The following IBTK variants were observed in gnomAD, a reference collection of about 807,000 sequenced individuals.
The protein encoded by IBTK is BTK-binding protein.
Under a neutral mutation model 154.9 loss-of-function variants are expected in IBTK, and 83 were observed. The observed-to-expected ratio is 0.54, with a 90% confidence interval of 0.45 to 0.64. The LOEUF is 0.64. Among genes scored for constraint, IBTK ranks in the 30% least tolerant of loss-of-function variants. The pLI is 0.00. For synonymous variants in IBTK, 515 were observed against 536.1 expected (o/e 0.96, Z 0.54); for missense variants, 1,332 against 1,584.6 (o/e 0.84, Z 2.71).
rs1390942620 is a variant in IBTK at position 82,227,237 on chromosome 6, A to G, written c.609T>C (p.His203=). The part of the protein sequence containing the change: ...SQKGQVYTCG[H]GPGGRLGHGD... Reference sequence around the variant, plus strand: ...CATGTCCTAATCGCCCTCCAGGACCATGACCACAGGTATAAACCTGCCCTT... The same window carrying G: ...CATGTCCTAATCGCCCTCCAGGACCGTGACCACAGGTATAAACCTGCCCTT... Residue 203 remains histidine, a synonymous_variant, in exon 5 of 29, where the codon CAT becomes CAC. Transcript: ENST00000306270. 3.7e-6 allele frequency: 6 copies of G among 1,613,248 alleles called. No individual in the cohort carries two copies. Among genetic ancestry groups the G allele is most frequent in the Non-Finnish European group, 5.1e-6 (6 of 1,179,534 alleles).
chr6:82,172,614 A>G, intron 27 of IBTK, 102 bp from the exon 28 acceptor site: 1 of 1,050,934 alleles, frequency 9.5e-7, no homozygotes, highest in East Asian at 2.7e-5. Context: ...CTTTCCAGTG[A>G]CCTACAATGA....
intron 2 of IBTK, among the ~76,000 whole-genome samples, chr6:82,239,625 G>A: frequency 8.8e-6 from 1 of 113,402 alleles, no homozygotes; most frequent in Non-Finnish European, 1.9e-5. Context: ...AATGAAACTA[G>A]AGTCTTTACC....
intron 23 of IBTK, among the ~76,000 whole-genome samples, chr6:82,192,732 G>T (rs1455155017): frequency 6.7e-6 from 1 of 148,886 alleles, no homozygotes; most frequent in Non-Finnish European, 1.5e-5. Flanking sequence ...GGGCAATGAG[G>T]GCGAAACTCT....
At position 82,191,853 on chromosome 6, in the gene IBTK, A is replaced by G; in HGVS notation, c.3365T>C (p.Leu1122Pro). The change falls in exon 24 of 29, where the codon CTC becomes CCC. Residue 1122 changes from leucine (L) to proline (P), a missense_variant. By Grantham distance (98) the Leu-to-Pro change is moderately conservative. Around this residue, in one of 3 missense-constraint regions of IBTK, gnomAD observed 1,134 missense variants for 1,274.7 expected, o/e 0.89. Transcript: ENST00000306270. ...TTCTTCTATTTCCATGATAGTTCTG[A>G]GATCCACAACAGGAGGGCTGACAGG... ...FSPVSPPVVD[L>P]RTIMEIEESR... The G allele has an allele frequency of 6.2e-7, 1 of 1,611,368 alleles. No individual in the cohort carries two copies. Among genetic ancestry groups the G allele is most frequent in the Non-Finnish European group, 8.5e-7 (1 of 1,177,834 alleles).
intron 8 of IBTK, among the ~76,000 whole-genome samples, chr6:82,221,903 G>C (rs550900451): frequency 7.9e-5 from 12 of 152,028 alleles, no homozygotes; most frequent in Admixed American, 1.3e-4. Context: ...AGTGGCTCAC[G>C]CCTGTAATCC....
At chr6:82,172,126 C>T (rs1383414634) in intron 28 of IBTK, among the ~76,000 whole-genome samples, 1 of 152,024 alleles carries the variant, frequency 6.6e-6, no homozygotes, top group African/African-American at 2.4e-5. Flanking sequence ...TTTAAAAAAA[C>T]TAAAATAATC....
At chr6:82,191,931 C>T (rs1209402802) in intron 23 of IBTK, 52 bp from the exon 24 acceptor site, 2 of 932,586 alleles carry the variant, frequency 2.1e-6, no homozygotes, top group Non-Finnish European at 1.7e-6. Flanking sequence ...CTATAAAGCC[C>T]AACCCCCAAC....
chr6:82,217,915 A>G (rs760442049), intron 10 of IBTK, 45 bp downstream of exon 10: 14 of 1,273,572 alleles, frequency 1.1e-5, no homozygotes, highest in Middle Eastern at 2.0e-4. Flanking sequence ...AAATTAAAGG[A>G]TAATTGAAAG....
chr6:82,194,087 T>C lies in IBTK; in HGVS notation c.3338+392A>G, dbSNP rs1317870730. Reference sequence around the variant, plus strand: ...TATCCTCTGAAAATTAACTGAATAGTTACACATTTTGTGAAATTTTAAATA... The same window carrying C: ...TATCCTCTGAAAATTAACTGAATAGCTACACATTTTGTGAAATTTTAAATA... On this transcript the variant is annotated intron_variant, in intron 23 of 28. Coordinates refer to ENST00000306270, the MANE Select transcript of IBTK (RefSeq NM_015525.4). 3.9e-5 allele frequency among the ~76,000 whole-genome samples: 6 copies of C among 152,192 alleles called. No homozygotes were observed. The East Asian group carries it at 1.2e-3, about 29-fold the overall frequency.
At chr6:82,234,912 G>C (rs1770659004) in intron 2 of IBTK, among the ~76,000 whole-genome samples, 1 of 151,908 alleles carries the variant, frequency 6.6e-6, no homozygotes, top group Admixed American at 6.6e-5. Flanking sequence ...CCAGGCTGGA[G>C]TGCAAAGGCA....
chr6:82,175,970 G>A (rs552129151), intron 26 of IBTK, among the ~76,000 whole-genome samples: 3 of 151,396 alleles, frequency 2.0e-5, no homozygotes, highest in Non-Finnish European at 4.4e-5. Context: ...CAGAGGTTGC[G>A]GTGAGCTGAG....
In IBTK at chr6:82,218,152, A is replaced by G. The variant is rs770435269; in HGVS notation, c.1249-15T>C. On this transcript the variant is annotated splice_polypyrimidine_tract_variant and intron_variant, in intron 9 of 28. Transcript: ENST00000306270. ...CAGCAAAACACCTAAAACAAAACCA[A>G]ATCACATTGAAATATAAAGCAAGTA... 20 of 1,512,744 alleles carry G rather than the reference A, an allele frequency of 1.3e-5. No individual in the cohort carries two copies. The highest frequency in any genetic ancestry group is 6.7e-5 in the Admixed American group (3 of 44,872). 93.7% of individuals were successfully genotyped at this position (1,512,744 alleles called of 1,614,324 possible).
chr6:82,247,607 T>C lies in IBTK; in HGVS notation c.-403A>G, dbSNP rs1020444226. On this transcript the variant is annotated 5_prime_UTR_variant, in exon 1 of 29. An upstream start codon of the reference 5' UTR is lost. Coordinates refer to ENST00000306270, the MANE Select transcript of IBTK (RefSeq NM_015525.4). The stretch of plus-strand genomic sequence containing the variant: ...GCCGGTGGATTCCGCAGGGTCCACA[T>C]AGAGCCACAAAGGGACTCATCCTCA... 13 of 398,632 alleles carry C rather than the reference T, an allele frequency of 3.3e-5. No homozygotes were observed. Among genetic ancestry groups the C allele is most frequent in the East Asian group, 7.1e-5 (2 of 28,066 alleles). 24.7% of individuals were successfully genotyped at this position (398,632 alleles called of 1,614,324 possible). A position where few individuals can be genotyped will look rare whatever the true frequency, so the allele number is the denominator to read the frequency against.
intron 1 of IBTK, among the ~76,000 whole-genome samples, chr6:82,241,496 T>C (rs1770950939): frequency 6.6e-6 from 1 of 152,180 alleles, no homozygotes; most frequent in Non-Finnish European, 1.5e-5. Context: ...AACAACTGGA[T>C]AGCTATCTTT....
intron 25 of IBTK, among the ~76,000 whole-genome samples, chr6:82,185,547 C>A: frequency 1.3e-5 from 2 of 150,188 alleles, no homozygotes; most frequent in South Asian, 2.2e-4. Context: ...AAAAAAAGTT[C>A]CAATTTTTTC....
In IBTK at chr6:82,191,139, G is replaced by T; in HGVS notation, c.3509C>A (p.Ser1170Ter). The change falls in exon 25 of 29, where the codon TCA becomes TAA. Residue 1170 changes from serine (S) to a stop codon, truncating the protein, a stop_gained. Coordinates refer to ENST00000306270, the MANE Select transcript of IBTK (RefSeq NM_015525.4). LOFTEE classifies it high-confidence loss of function. ...MIALTTKENN[S>*]GMNSMETVLF... is the part of the protein sequence containing the mutation. The stretch of plus-strand genomic sequence containing the variant: ...AACTGTTTCCATGCTATTCATTCCT[G>T]AATTGTTTTCCTTGGTAGTCAATGC... The T allele has an allele frequency of 6.2e-7, 1 of 1,608,608 alleles. No homozygotes were observed. The highest frequency in any genetic ancestry group is 8.5e-7 in the Non-Finnish European group (1 of 1,177,000).
At chr6:82,225,043 T>C (rs1032947577) in intron 6 of IBTK, among the ~76,000 whole-genome samples, 1 of 151,834 alleles carries the variant, frequency 6.6e-6, no homozygotes, top group Non-Finnish European at 1.5e-5. Flanking sequence ...CTCACACCTG[T>C]AATCCCAGCA....
At chr6:82,243,215 TG>T (rs1417385388) in intron 1 of IBTK, among the ~76,000 whole-genome samples, 1 of 141,410 alleles carries the variant, frequency 7.1e-6, no homozygotes, top group Non-Finnish European at 1.5e-5. Flanking sequence ...CACTCCAGCC[TG>T]GGCGACAGAG....
chr6:82,198,603 T>G (rs962662287), intron 21 of IBTK, among the ~76,000 whole-genome samples: 1 of 152,174 alleles, frequency 6.6e-6, no homozygotes, highest in African/African-American at 2.4e-5. Flanking sequence ...CAAGCTTTTT[T>G]TTCCAAAGGG....
Sources: gnomAD v4.1 joint callset for allele counts (sites outside exome capture counted in the v4.1 genomes callset) on GRCh38, gnomAD v4.1.1 for gene constraint, gnomAD v4.1.1 regional missense constraint, MANE v1.5 for transcripts, NCBI Gene and HGNC (gene_info 2026-07-23, HGNC 2026-07-21) for gene names.